ACSS3: variants seen among roughly 807,000 people sequenced by gnomAD.
ACSS3 encodes acyl-CoA synthetase short-chain family member 3, mitochondrial.
ACSS3 carries 64 observed loss-of-function variants against 84.2 expected under a neutral mutation model. That is an observed-to-expected ratio of 0.76 (90% confidence interval 0.62 to 0.94). The LOEUF (loss-of-function observed/expected upper bound fraction) is 0.94, where lower values mean the gene tolerates loss of function less well. ACSS3 is among the 40% of genes least tolerant of loss of function. The pLI, the probability that ACSS3 is intolerant of heterozygous loss-of-function variation, is 0.00. For missense variants in ACSS3, 815 were observed against 867.6 expected, an observed-to-expected ratio of 0.94 and a Z score of 0.76; for synonymous variants, 317 against 310.1, an observed-to-expected ratio of 1.02 and a Z score of -0.23.
intron 11 of ACSS3, among the ~76,000 whole-genome samples, chr12:81,225,655 A>G (rs1161639503): frequency 6.6e-6 from 1 of 151,964 alleles, no homozygotes; most frequent in Non-Finnish European, 1.5e-5. Context: ...AGTAGACATC[A>G]TTCACTATCT....
intron 3 of ACSS3, among the ~76,000 whole-genome samples, chr12:81,135,370 A>G (rs1354021430): frequency 1.4e-5 from 2 of 141,964 alleles, no homozygotes; most frequent in African/African-American, 5.3e-5. Flanking sequence ...TATATATCAC[A>G]TTATATATAA....
intron 2 of ACSS3, among the ~76,000 whole-genome samples, chr12:81,114,728 C>T (rs1288248774): frequency 6.6e-6 from 1 of 152,008 alleles, no homozygotes; most frequent in African/African-American, 2.4e-5. Flanking sequence ...AAGTTATAGT[C>T]GTTCATGCAT....
chr12:81,192,519 A>T (rs1329396678), intron 8 of ACSS3, among the ~76,000 whole-genome samples: 1 of 152,024 alleles, frequency 6.6e-6, no homozygotes, highest in Non-Finnish European at 1.5e-5. Flanking sequence ...ACTTCTATTC[A>T]TTAGGAATGG....
intron 8 of ACSS3, among the ~76,000 whole-genome samples, chr12:81,188,457 A>C (rs1377796104): frequency 6.6e-6 from 1 of 152,120 alleles, no homozygotes; most frequent in African/African-American, 2.4e-5. Flanking sequence ...ACACATCCAG[A>C]TCAAGAAATA....
At chr12:81,249,115 G>T (rs2034075673) in intron 13 of ACSS3, among the ~76,000 whole-genome samples, 1 of 151,962 alleles carries the variant, frequency 6.6e-6, no homozygotes, top group South Asian at 2.1e-4. Flanking sequence ...ATTAGTTTTT[G>T]AAAGCCCAGC....
chr12:81,210,014 T>G (rs1479587442), intron 9 of ACSS3, among the ~76,000 whole-genome samples: 2 of 152,224 alleles, frequency 1.3e-5, no homozygotes, highest in African/African-American at 4.8e-5. Context: ...TACCTCTTGC[T>G]GTTTTATCAG....
At chr12:81,220,597 C>T (rs1223242765) in intron 11 of ACSS3, among the ~76,000 whole-genome samples, 19 of 152,122 alleles carry the variant, frequency 1.2e-4, no homozygotes, top group Non-Finnish European at 1.5e-5. Flanking sequence ...CTCCCTCCCT[C>T]ACACCTTTTG....
chr12:81,170,305 A>G (rs1007989159), intron 7 of ACSS3, among the ~76,000 whole-genome samples: 5 of 152,184 alleles, frequency 3.3e-5, no homozygotes, highest in African/African-American at 4.8e-5. Context: ...TATTAATACA[A>G]TGAATCATAA....
At chr12:81,214,890 C>T (rs966275379) in intron 9 of ACSS3, among the ~76,000 whole-genome samples, 2 of 152,188 alleles carry the variant, frequency 1.3e-5, no homozygotes, top group African/African-American at 4.8e-5. Flanking sequence ...TTCCTTGCAC[C>T]AGGTAGTAGA....
chr12:81,125,208 C>T lies in ACSS3; in HGVS notation c.457-9608C>T, dbSNP rs372742102. ...CAGCCTGGGCAGAAGAGCGAGACTT[C>T]GTCTCAAAAAAAAAAAACAAAACAA... On this transcript the variant is annotated intron_variant, in intron 2 of 15. Coordinates refer to ENST00000548058, the MANE Select transcript of ACSS3 (RefSeq NM_024560.4). 3.0e-4 allele frequency among the ~76,000 whole-genome samples: 45 copies of T among 151,106 alleles called. 1 individual carries two copies. The highest frequency in any genetic ancestry group is 1.1e-3 in the African/African-American group (45 of 40,612).
intron 8 of ACSS3, among the ~76,000 whole-genome samples, chr12:81,178,136 A>T (rs1169587129): frequency 5.3e-5 from 8 of 151,728 alleles, no homozygotes; most frequent in Non-Finnish European, 1.2e-4. Flanking sequence ...ATGCAGCCAT[A>T]AAAAATGATG....
intron 2 of ACSS3, among the ~76,000 whole-genome samples, chr12:81,131,191 G>A (rs1285319533): frequency 3.3e-5 from 5 of 152,098 alleles, no homozygotes; most frequent in Non-Finnish European, 7.3e-5. Flanking sequence ...TATGGGGATG[G>A]CAATAAATCT....
At chr12:81,200,252 A>T (rs973378633) in intron 9 of ACSS3, among the ~76,000 whole-genome samples, 2 of 152,162 alleles carry the variant, frequency 1.3e-5, no homozygotes, top group African/African-American at 4.8e-5. Context: ...CAGAGATTTT[A>T]AAAAATTTGA....
chr12:81,166,911 G>A (rs1887429561), intron 7 of ACSS3, among the ~76,000 whole-genome samples: 2 of 152,188 alleles, frequency 1.3e-5, no homozygotes, highest in African/African-American at 4.8e-5. Context: ...TTCTCTGCTT[G>A]CAGCAAAGTC....
chr12:81,216,862 G>A (rs755038330), intron 9 of ACSS3, 39 bp from the exon 10 acceptor site: 11 of 1,545,470 alleles, frequency 7.1e-6, no homozygotes, highest in African/African-American at 4.1e-5. Context: ...ATGATTCCAA[G>A]TTAAAACATG....
At position 81,152,090 on chromosome 12, in the gene ACSS3, A is replaced by T; in HGVS notation, c.1092A>T (p.Leu364Phe). The T allele has an allele frequency of 6.2e-7, 1 of 1,609,156 alleles. No individual in the cohort carries two copies. Among genetic ancestry groups the T allele is most frequent in the Non-Finnish European group, 8.5e-7 (1 of 1,177,030 alleles). ...GPLLHGNTTVLYEGKPVGTPD... is the reference protein window; with the variant it reads ...GPLLHGNTTVFYEGKPVGTPD... Reference sequence around the variant, plus strand: ...TTCTTCATGGGAACACAACAGTTTTATATGAGGTAATAAAGTAAAGTTAAT... The same window carrying T: ...TTCTTCATGGGAACACAACAGTTTTTTATGAGGTAATAAAGTAAAGTTAAT... Residue 364 changes from leucine to phenylalanine, a missense_variant, in exon 7 of 16, where the codon TTA becomes TTT. Physicochemically the swap from Leu to Phe is conservative, Grantham distance 22. Transcript: ENST00000548058.
rs182689029 is a variant in ACSS3, at chr12:81,113,984, A to G, written c.456+4280A>G. Among the ~76,000 whole-genome samples the G allele has an allele frequency of 7.2e-5, 11 of 152,236 alleles. No homozygotes were observed. The East Asian group carries it at 1.7e-3, about 24-fold the overall frequency. ...TTTTATGTGTATGTATATCTTATATATATAGTACTAGTCATTTTAAAGTAT... is the reference window on the plus strand; with the variant it reads ...TTTTATGTGTATGTATATCTTATATGTATAGTACTAGTCATTTTAAAGTAT... On this transcript the variant is annotated intron_variant, in intron 2 of 15. Transcript: ENST00000548058.
At chr12:81,167,194 C>A (rs1015639101) in intron 7 of ACSS3, among the ~76,000 whole-genome samples, 1 of 152,108 alleles carries the variant, frequency 6.6e-6, no homozygotes, top group African/African-American at 2.4e-5. Flanking sequence ...CAAAGGTAAA[C>A]TTTTTTTAAA....
intron 11 of ACSS3, among the ~76,000 whole-genome samples, chr12:81,221,370 G>A (rs2033102082): frequency 6.6e-6 from 1 of 152,014 alleles, no homozygotes; most frequent in East Asian, 1.9e-4. Flanking sequence ...GAAGTCAAAA[G>A]AACTCATTAC....
Sources: gnomAD v4.1 joint callset for allele counts (sites outside exome capture counted in the v4.1 genomes callset) on GRCh38, gnomAD v4.1.1 for gene constraint, MANE v1.5 for transcripts, NCBI Gene and HGNC (gene_info 2026-07-23, HGNC 2026-07-21) for gene names.